Variants in CAMKMT observed in about 807,000 individuals in gnomAD.
CAMKMT encodes CaM KMT.
In CAMKMT, 53 loss-of-function variants were observed where a neutral mutation model predicts 48.0. That is an observed-to-expected ratio of 1.10 (90% CI 0.89 to 1.39). The LOEUF is 1.39. Among genes scored for constraint, CAMKMT ranks in the 40% most tolerant of loss-of-function variants. CAMKMT has a pLI of 0.00. For missense variants in CAMKMT, 428 were observed against 402.7 expected (o/e 1.06, Z -0.54); for synonymous variants, 165 against 152.3 (o/e 1.08, Z -0.61).
intron 3 of CAMKMT, among the ~76,000 whole-genome samples, chr2:44,697,300 G>A (rs950860999): frequency 2.0e-5 from 3 of 152,024 alleles, no homozygotes; most frequent in African/African-American, 7.2e-5. Flanking sequence ...GAAGACAATG[G>A]GTAGAGGAAA....
chr2:44,525,996 T>C (rs1337475497), intron 3 of CAMKMT, among the ~76,000 whole-genome samples: 2 of 152,178 alleles, frequency 1.3e-5, no homozygotes, highest in Admixed American at 1.3e-4. Flanking sequence ...CTCCTAATGC[T>C]ATCCCTCCCC....
chr2:44,692,556 A>G (rs1321237929), intron 3 of CAMKMT, among the ~76,000 whole-genome samples: 1 of 152,224 alleles, frequency 6.6e-6, no homozygotes. Context: ...TGTTTTAATC[A>G]CTGCTGTATC....
intron 1 of CAMKMT, among the ~76,000 whole-genome samples, chr2:44,362,525 A>C (rs1225934654): frequency 1.3e-5 from 2 of 151,262 alleles, no homozygotes. Flanking sequence ...TTCTAGCTTA[A>C]CTCCCAGCCT....
At chr2:44,473,318 A>G (rs182510543) in intron 3 of CAMKMT, among the ~76,000 whole-genome samples, 1 of 152,250 alleles carries the variant, frequency 6.6e-6, no homozygotes, top group African/African-American at 2.4e-5. Context: ...TACATTTTAT[A>G]TACCAAAATG....
At chr2:44,739,234 T>C (rs1454081432) in intron 7 of CAMKMT, among the ~76,000 whole-genome samples, 1 of 152,166 alleles carries the variant, frequency 6.6e-6, no homozygotes. Context: ...GGAGACCAAT[T>C]AGGGAGCTAT....
At chr2:44,554,499 G>T (rs112948969) in intron 3 of CAMKMT, among the ~76,000 whole-genome samples, 65 of 152,152 alleles carry the variant, frequency 4.3e-4, no homozygotes, top group African/African-American at 1.5e-3. Flanking sequence ...AGTTCAGGAG[G>T]CCAAGACAGA....
intron 3 of CAMKMT, among the ~76,000 whole-genome samples, chr2:44,616,903 G>C (rs890473099): frequency 1.1e-4 from 17 of 152,154 alleles, no homozygotes; most frequent in Non-Finnish European, 5.9e-5. Context: ...GCACAAAACT[G>C]AGGAGATAAT....
intron 3 of CAMKMT, among the ~76,000 whole-genome samples, chr2:44,467,272 C>A (rs1335610392): frequency 6.6e-6 from 1 of 152,122 alleles, no homozygotes; most frequent in Non-Finnish European, 1.5e-5. Flanking sequence ...TGGCTCACGC[C>A]TGTAATCCCA....
intron 3 of CAMKMT, among the ~76,000 whole-genome samples, chr2:44,466,178 G>A (rs1337672136): frequency 6.6e-6 from 1 of 152,122 alleles, no homozygotes; most frequent in African/African-American, 2.4e-5. Context: ...AGTCCAATTG[G>A]ATCTAACAGA....
rs547776123 is a variant in CAMKMT, at chr2:44,518,441, A to T, written c.376+128136A>T. Among the ~76,000 whole-genome samples, 181 of 152,328 alleles carry T rather than the reference A, an allele frequency of 1.2e-3. 1 individual carries two copies. The highest frequency in any genetic ancestry group is 4.2e-3 in the African/African-American group (175 of 41,580). On this transcript the variant is annotated intron_variant, in intron 3 of 10. Coordinates refer to ENST00000378494, the MANE Select transcript of CAMKMT (RefSeq NM_024766.5). ...ATGTTTGCTAAAGGTCACTTCTAAA[A>T]CAGCTGATGTGAAAGTAGGAGGAAT...
At chr2:44,570,024 G>A (rs1558710314) in intron 3 of CAMKMT, among the ~76,000 whole-genome samples, 1 of 152,000 alleles carries the variant, frequency 6.6e-6, no homozygotes, top group Non-Finnish European at 1.5e-5. Context: ...TCATAGAGAT[G>A]CTACATAGTT....
chr2:44,519,286 C>T (rs138399329), intron 3 of CAMKMT, among the ~76,000 whole-genome samples: 1 of 152,114 alleles, frequency 6.6e-6, no homozygotes. Context: ...TGTTTATAAA[C>T]AAACAGTGAC....
intron 3 of CAMKMT, among the ~76,000 whole-genome samples, chr2:44,544,750 G>T (rs918844543): frequency 1.3e-5 from 2 of 152,174 alleles, no homozygotes; most frequent in African/African-American, 2.4e-5. Flanking sequence ...AACAAGACTA[G>T]AGTGATTCTT....
At chr2:44,716,453 T>C (rs1276322098) in intron 7 of CAMKMT, among the ~76,000 whole-genome samples, 1 of 152,222 alleles carries the variant, frequency 6.6e-6, no homozygotes, top group African/African-American at 2.4e-5. Context: ...CAATAATTTT[T>C]TTCTCTTATA....
intron 3 of CAMKMT, among the ~76,000 whole-genome samples, chr2:44,417,288 A>C (rs1683623893): frequency 6.6e-6 from 1 of 152,034 alleles, no homozygotes; most frequent in African/African-American, 2.4e-5. Flanking sequence ...CCAGCTACTC[A>C]GGAGGCTGAG....
intron 3 of CAMKMT, among the ~76,000 whole-genome samples, chr2:44,649,672 T>C (rs1299164753): frequency 6.6e-6 from 1 of 152,174 alleles, no homozygotes; most frequent in East Asian, 1.9e-4. Context: ...CTTCTCTTTT[T>C]CCCAACATTT....
chr2:44,505,191 G>C (rs1187690770), intron 3 of CAMKMT, among the ~76,000 whole-genome samples: 4 of 152,150 alleles, frequency 2.6e-5, no homozygotes, highest in Non-Finnish European at 5.9e-5. Context: ...GAGATTTGGA[G>C]GGGTCAAACA....
At chr2:44,489,121 C>G (rs564055774) in intron 3 of CAMKMT, among the ~76,000 whole-genome samples, 1 of 152,110 alleles carries the variant, frequency 6.6e-6, no homozygotes, top group African/African-American at 2.4e-5. Context: ...CCTCCTGCCT[C>G]AGCCTCCCAA....
rs1392573989 is a variant in CAMKMT, at chr2:44,618,298, A to G, written c.377-85985A>G. ...CTGAAGCATAAGAGCTTGCACTGCC[A>G]TCAGAGTCATTTTACGACAGCCAGG... On this transcript the variant is annotated intron_variant, in intron 3 of 10. Coordinates refer to ENST00000378494, the MANE Select transcript of CAMKMT (RefSeq NM_024766.5). The surrounding 1 kb of genome is among the most constrained non-coding windows in gnomAD (Gnocchi z 4.0). Among the ~76,000 whole-genome samples the G allele has an allele frequency of 6.6e-6, 1 of 152,210 alleles. No homozygotes were observed. Among genetic ancestry groups the G allele is most frequent in the Non-Finnish European group, 1.5e-5 (1 of 68,040 alleles).
Sources: gnomAD v4.1 joint callset for allele counts (sites outside exome capture counted in the v4.1 genomes callset) on GRCh38, gnomAD v4.1.1 for gene constraint, Gnocchi (gnomAD v3.1) non-coding constraint, MANE v1.5 for transcripts, NCBI Gene and HGNC (gene_info 2026-07-23, HGNC 2026-07-21) for gene names.